The following LIPC variants were observed in gnomAD, a reference collection of about 807,000 sequenced individuals.
The protein encoded by LIPC is lipase C, hepatic type.
A neutral mutation model predicts 50.7 loss-of-function variants in LIPC; 44 were observed. The ratio of observed to expected loss-of-function variants is 0.87; its 90% CI spans 0.68 to 1.11. The LOEUF is 1.11. Ranked by LOEUF, LIPC falls within the 50% of genes most tolerant of loss-of-function variation. The pLI, the probability that LIPC is intolerant of heterozygous loss-of-function variation, is 0.00. For synonymous variants in LIPC, 271 were observed against 256.4 expected (o/e 1.06, Z -0.54); for missense variants, 697 against 648.2 (o/e 1.08, Z -0.82).
intron 1 of LIPC, among the ~76,000 whole-genome samples, chr15:58,506,989 G>A (rs1892173533): frequency 6.6e-6 from 1 of 152,222 alleles, no homozygotes. Context: ...CAGCGAAGGG[G>A]TAGGGGAAGC....
chr15:58,487,698 A>G (rs778891014), intron 1 of LIPC, among the ~76,000 whole-genome samples: 1 of 152,214 alleles, frequency 6.6e-6, no homozygotes, highest in Non-Finnish European at 1.5e-5. Context: ...TTAACAGGCA[A>G]TTAGCAAGTT....
Position 58,563,680 on chromosome 15 carries a change from G to T in LIPC, c.1345G>T (p.Val449Phe). The change falls in exon 8 of 9, where the codon GTT becomes TTT. Residue 449 changes from valine to phenylalanine, a missense_variant. Coordinates refer to ENST00000299022, the MANE Select transcript of LIPC (RefSeq NM_000236.3). ...CACAGGGCCGCGCCACTCAGGCCTC[G>T]TTCTGAAGACGATCAGAGTCAAAGC... Reference protein sequence around the residue: ...WSTGPRHSGLVLKTIRVKAGE... With the variant: ...WSTGPRHSGLFLKTIRVKAGE... 1.2e-6 allele frequency: 2 copies of T among 1,613,880 alleles called. No homozygotes were observed. The highest frequency in any genetic ancestry group is 1.7e-6 in the Non-Finnish European group (2 of 1,180,038).
chr15:58,452,674 G>C (rs982085655), intron 1 of LIPC, among the ~76,000 whole-genome samples: 3 of 141,764 alleles, frequency 2.1e-5, no homozygotes, highest in African/African-American at 7.6e-5. Flanking sequence ...GAGGGGATAG[G>C]ATAGTTCTGC....
chr15:58,525,858 C>A (rs1055615384), intron 1 of LIPC, among the ~76,000 whole-genome samples: 1 of 152,232 alleles, frequency 6.6e-6, no homozygotes, highest in African/African-American at 2.4e-5. Context: ...GTTACAATAG[C>A]AATATCAATG....
At chr15:58,553,480 C>T (rs1392124188) in intron 6 of LIPC, among the ~76,000 whole-genome samples, 1 of 152,144 alleles carries the variant, frequency 6.6e-6, no homozygotes, top group Non-Finnish European at 1.5e-5. Context: ...TCTGTAGTCC[C>T]AGCTACTTGG....
At chr15:58,526,636 C>A (rs1035653911) in intron 1 of LIPC, among the ~76,000 whole-genome samples, 1 of 152,192 alleles carries the variant, frequency 6.6e-6, no homozygotes, top group Non-Finnish European at 1.5e-5. Flanking sequence ...GCACAGAATT[C>A]ACAGAGAGGT....
chr15:58,473,681 C>T (rs1209097416), intron 1 of LIPC: 2 of 152,240 alleles, frequency 1.3e-5, no homozygotes, highest in Non-Finnish European at 1.5e-5. Context: ...TTAAATCACT[C>T]TCCTGCATTC....
chr15:58,517,321 A>G (rs1022937527), intron 1 of LIPC, among the ~76,000 whole-genome samples: 3 of 152,232 alleles, frequency 2.0e-5, no homozygotes, highest in Non-Finnish European at 2.9e-5. Flanking sequence ...TCTCTCCACT[A>G]TGTGGCACAG....
chr15:58,542,594 G>C lies in LIPC; in HGVS notation c.517G>C (p.Val173Leu). 1 of 1,613,876 alleles carries C rather than the reference G, an allele frequency of 6.2e-7. No individual in the cohort carries two copies. The highest frequency in any genetic ancestry group is 1.7e-5 in the Admixed American group (1 of 60,012). ...AATTGGGTACAGCCTGGGTGCACAC[G>C]TGTCAGGATTTGCCGGCAGTTCCAT... ...HLIGYSLGAH[V>L]SGFAGSSIGG... Residue 173 changes from valine to leucine, a missense_variant, in exon 4 of 9, where the codon GTG becomes CTG. By Grantham distance (32) the Val-to-Leu change is conservative (BLOSUM62 1). Coordinates refer to ENST00000299022, the MANE Select transcript of LIPC (RefSeq NM_000236.3).
intron 1 of LIPC, among the ~76,000 whole-genome samples, chr15:58,444,853 G>A (rs560744640): frequency 3.3e-5 from 5 of 152,232 alleles, no homozygotes; most frequent in East Asian, 1.9e-4. Flanking sequence ...GCTGTGACCC[G>A]GGTCCTGGGC....
intron 1 of LIPC, among the ~76,000 whole-genome samples, chr15:58,483,440 G>A (rs184449790): frequency 5.8e-4 from 88 of 152,268 alleles, no homozygotes; most frequent in Non-Finnish European, 1.0e-3. Context: ...TGATTCCTAC[G>A]ATCCTGAGGG....
chr15:58,520,538 GTA>G (rs1394424957), intron 1 of LIPC, among the ~76,000 whole-genome samples: 3 of 152,208 alleles, frequency 2.0e-5, no homozygotes, highest in Non-Finnish European at 4.4e-5. Context: ...CAGCTCAACA[GTA>G]TACAAGCCCG....
intron 7 of LIPC, among the ~76,000 whole-genome samples, chr15:58,563,013 C>T (rs17301864): frequency 0.16 from 23,753 of 152,198 alleles, 2,107 homozygotes; most frequent in South Asian, 0.34. Context: ...TGCTCTAAAT[C>T]GGTGCATCCT....
intron 1 of LIPC, among the ~76,000 whole-genome samples, chr15:58,477,365 C>G (rs569733491): frequency 6.6e-6 from 1 of 152,284 alleles, no homozygotes; most frequent in Admixed American, 6.5e-5. Flanking sequence ...GGCTGGAGCC[C>G]AGCTTTGCAG....
chr15:58,459,938 C>T (rs553810098), intron 1 of LIPC, among the ~76,000 whole-genome samples: 1 of 152,356 alleles, frequency 6.6e-6, no homozygotes, highest in South Asian at 2.1e-4. Flanking sequence ...TTGGTGGGTG[C>T]AGCAGGCTCA....
chr15:58,451,588 C>T (rs445660), intron 1 of LIPC, among the ~76,000 whole-genome samples: 58,516 of 151,926 alleles, frequency 0.39, 12,771 homozygotes, highest in African/African-American at 0.59. Context: ...TGGCCACAGG[C>T]AGGAGAATGG....
chr15:58,563,727 ACT>A lies in LIPC; in HGVS notation c.1388+5_1388+6del. ...AAGCAGGAGAAACCCAGCAAAGGTGACTGCTGATTCAATCTCCTATTAACGTC... is the reference window on the plus strand; with the variant it reads ...AAGCAGGAGAAACCCAGCAAAGGTGAGCTGATTCAATCTCCTATTAACGTC... On this transcript the variant is annotated splice_donor_5th_base_variant and intron_variant, in intron 8 of 8. Transcript: ENST00000299022. The A allele has an allele frequency of 6.2e-7, 1 of 1,611,294 alleles. No individual in the cohort carries two copies. Among genetic ancestry groups the A allele is most frequent in the Admixed American group, 1.7e-5 (1 of 59,942 alleles).
rs1203862640 is a variant in LIPC at position 58,568,727 on chromosome 15, G to A, written c.1400G>A (p.Cys467Tyr). The A allele has an allele frequency of 6.3e-7, 1 of 1,596,802 alleles. No individual in the cohort carries two copies. Among genetic ancestry groups the A allele is most frequent in the Admixed American group, 1.7e-5 (1 of 59,978 alleles). Residue 467 changes from cysteine to tyrosine, a missense_variant, in exon 9 of 9, where the codon TGT becomes TAT. Coordinates refer to ENST00000299022, the MANE Select transcript of LIPC (RefSeq NM_000236.3). Reference sequence around the variant, plus strand: ...TGTTTTCTATTCAGAATGACATTTTGTTCAGAAAACACAGATGACCTACTA... The same window carrying A: ...TGTTTTCTATTCAGAATGACATTTTATTCAGAAAACACAGATGACCTACTA... The part of the protein sequence containing the change: ...AGETQQRMTF[C>Y]SENTDDLLLR...
In LIPC at chr15:58,487,694, G is replaced by T. The variant is rs151238662; in HGVS notation, c.89-50639G>T. Among the ~76,000 whole-genome samples, 464 of 152,278 alleles carry T rather than the reference G, an allele frequency of 3.0e-3. 3 individuals are homozygous for T. Among genetic ancestry groups the T allele is most frequent in the African/African-American group, 0.01 (427 of 41,542 alleles). On this transcript the variant is annotated intron_variant, in intron 1 of 8. Coordinates refer to ENST00000299022, the MANE Select transcript of LIPC (RefSeq NM_000236.3). ...TGTAGAGTGGGGACTGAAATTAACAGGCAATTAGCAAGTTTAAAAGGATTT... is the reference window on the plus strand; with the variant it reads ...TGTAGAGTGGGGACTGAAATTAACATGCAATTAGCAAGTTTAAAAGGATTT...
Sources: gnomAD v4.1 joint callset for allele counts (sites outside exome capture counted in the v4.1 genomes callset) on GRCh38, gnomAD v4.1.1 for gene constraint, MANE v1.5 for transcripts, NCBI Gene and HGNC (gene_info 2026-07-23, HGNC 2026-07-21) for gene names.